The following OGDHL variants were observed in gnomAD, a reference collection of about 807,000 sequenced individuals.
OGDHL encodes the protein oxoglutarate dehydrogenase L.
OGDHL carries 79 observed loss-of-function variants against 109.6 expected under a neutral mutation model. The ratio of observed to expected loss-of-function variants is 0.72; its 90% CI spans 0.60 to 0.87. The LOEUF is 0.87. OGDHL is among the 40% of genes least tolerant of loss of function. The probability of loss-of-function intolerance (pLI) is 0.00; values close to 1 mark genes in which losing one functional copy is unlikely to be tolerated. For synonymous variants in OGDHL, 528 were observed against 537.2 expected (o/e 0.98, Z 0.24); for missense variants, 1,275 against 1,362.2 (o/e 0.94, Z 1.01).
intron 7 of OGDHL, among the ~76,000 whole-genome samples, chr10:49,750,457 G>T (rs749214949): frequency 2.6e-4 from 39 of 152,144 alleles, no homozygotes; most frequent in Non-Finnish European, 2.9e-4. Flanking sequence ...CCCTGTTGGG[G>T]ACACAACCCG....
intron 3 of OGDHL, among the ~76,000 whole-genome samples, chr10:49,754,110 T>A (rs1842774300): frequency 6.6e-6 from 1 of 152,118 alleles, no homozygotes; most frequent in African/African-American, 2.4e-5. Flanking sequence ...TGGCTCTGAT[T>A]CCTGAAAGGG....
In OGDHL at chr10:49,752,887, C is replaced by G. The variant is rs1842700093; in HGVS notation, c.376-147G>C. 3.8e-5 allele frequency: 23 copies of G among 612,370 alleles called. No individual in the cohort carries two copies. In the South Asian group the frequency reaches 4.4e-4, roughly 12 times the overall value. 37.9% of individuals were successfully genotyped at this position (612,370 alleles called of 1,614,324 possible). The stretch of plus-strand genomic sequence containing the variant: ...CTGCCCCGCGGCTACTTCACTGCTG[C>G]CTGCGAGACCCCAGCCACAGCCAGT... On this transcript the variant is annotated intron_variant, in intron 3 of 22. Transcript: ENST00000374103.
intron 1 of OGDHL, 185 bp from the exon 2 acceptor site, chr10:49,758,778 TC>T: frequency 1.6e-6 from 1 of 632,746 alleles, no homozygotes; most frequent in Non-Finnish European, 2.8e-6. Context: ...TGGTGGAAGC[TC>T]CCAGCTCAGT....
intron 17 of OGDHL, chr10:49,738,480 C>A: frequency 1.7e-6 from 1 of 584,378 alleles, no homozygotes; most frequent in South Asian, 2.1e-5. Flanking sequence ...AGTATGTGAA[C>A]TTGCAGGGAC....
At chr10:49,740,139 C>T (rs903258430) in intron 16 of OGDHL, among the ~76,000 whole-genome samples, 10 of 152,140 alleles carry the variant, frequency 6.6e-5, no homozygotes, top group African/African-American at 2.4e-4. Flanking sequence ...ACATGCAGAG[C>T]TGCTAAGGAG....
rs761625131 is a variant in OGDHL, at chr10:49,751,034, A to C, written c.750-49T>G. 5.9e-6 allele frequency: 9 copies of C among 1,519,374 alleles called. No individual in the cohort carries two copies. In the South Asian group the frequency reaches 1.1e-4, roughly 19 times the overall value. 94.1% of individuals were successfully genotyped at this position (1,519,374 alleles called of 1,614,324 possible). On this transcript the variant is annotated intron_variant, in intron 6 of 22. Transcript: ENST00000374103. ...AGGAAAGGGAAAGGGATGGAGAGGG[A>C]GGGGACTGGGGCTCACAGGGGCTGT...
At chr10:49,738,626 A>G (rs1479883959) in intron 17 of OGDHL, 1 of 302,220 alleles carries the variant, frequency 3.3e-6, no homozygotes, top group African/African-American at 2.2e-5. Context: ...GCTAACCCCC[A>G]AAGTAGCCCC....
intron 10 of OGDHL, 105 bp downstream of exon 10, chr10:49,746,645 G>C: frequency 7.0e-7 from 1 of 1,438,274 alleles, no homozygotes; most frequent in Middle Eastern, 1.8e-4. Context: ...AAGCAGCACA[G>C]CAGTGGGCTC....
chr10:49,760,139 AC>A (rs1843181773), intron 1 of OGDHL, among the ~76,000 whole-genome samples: 1 of 152,236 alleles, frequency 6.6e-6, no homozygotes, highest in Non-Finnish European at 1.5e-5. Flanking sequence ...TCCTGGGGCA[AC>A]CAGCAGCAAG....
In OGDHL at chr10:49,750,828, G is replaced by A. The variant is rs757865287; in HGVS notation, c.896+11C>T. On this transcript the variant is annotated intron_variant, in intron 7 of 22. Transcript: ENST00000374103. ...GAGAATGCGCAAGGCACAGCAGGGA[G>A]GGGGACCCACCTGTGTGGCATCCCC... is the stretch of plus-strand genomic sequence containing the variant. The A allele has an allele frequency of 6.2e-7, 1 of 1,604,468 alleles. No individual in the cohort carries two copies. Among genetic ancestry groups the A allele is most frequent in the Non-Finnish European group, 8.5e-7 (1 of 1,174,588 alleles).
chr10:49,756,900 C>A lies in OGDHL; in HGVS notation c.251G>T (p.Gly84Val), dbSNP rs756521146. Residue 84 changes from glycine (G) to valine (V), a missense_variant, in exon 3 of 23, where the codon GGC (glycine) becomes GTC (valine). Coordinates refer to ENST00000374103, the MANE Select transcript of OGDHL (RefSeq NM_018245.3). ...AGAAGGGGGCCGTGGCTGAGCAGAGCCAGAAAAGGCTTCCTCGCTGGCTTC... is the reference window on the plus strand; with the variant it reads ...AGAAGGGGGCCGTGGCTGAGCAGAGACAGAAAAGGCTTCCTCGCTGGCTTC... ...FREASEEAFS[G>V]SAQPRPPSVV... 6.2e-7 allele frequency: 1 copy of A among 1,613,780 alleles called. No homozygotes were observed. The highest frequency in any genetic ancestry group is 1.1e-5 in the South Asian group (1 of 90,970).
chr10:49,752,943 G>A (rs11101226), intron 3 of OGDHL, among the ~76,000 whole-genome samples: 1 of 152,174 alleles, frequency 6.6e-6, no homozygotes, highest in Non-Finnish European at 1.5e-5. Context: ...TGGTTTGGAA[G>A]TACAACATGC....
At chr10:49,740,865 C>G in intron 15 of OGDHL, 28 bp from the exon 16 acceptor site, 1 of 1,612,852 alleles carries the variant, frequency 6.2e-7, no homozygotes. Context: ...GGGGCAGGGA[C>G]AGAGGGCAGG....
chr10:49,749,887 AG>A, intron 7 of OGDHL, 71 bp from the exon 8 acceptor site: 1 of 1,372,500 alleles, frequency 7.3e-7, no homozygotes, highest in Non-Finnish European at 1.0e-6. Flanking sequence ...CCCACTGTGG[AG>A]GCCTGGCCTG....
chr10:49,740,571 A>G, intron 16 of OGDHL, 139 bp downstream of exon 16: 2 of 1,075,082 alleles, frequency 1.9e-6, no homozygotes, highest in African/African-American at 1.6e-5. Flanking sequence ...CAGCCCAATC[A>G]CCATCCCCCA....
chr10:49,760,141 C>G (rs943953953), intron 1 of OGDHL, among the ~76,000 whole-genome samples: 1 of 152,200 alleles, frequency 6.6e-6, no homozygotes. Context: ...CTGGGGCAAC[C>G]AGCAGCAAGC....
Position 49,757,922 on chromosome 10 carries a change from G to C in OGDHL, c.204+467C>G, listed in dbSNP as rs1588808251. On this transcript the variant is annotated intron_variant, in intron 2 of 22. Transcript: ENST00000374103. ...GATTAGGAGGGAGCTTTCTGACTGT[G>C]TAACTTCTTATACCTTCTGGCTTTG... Among the ~76,000 whole-genome samples the C allele has an allele frequency of 2.0e-5, 3 of 152,192 alleles. No individual in the cohort carries two copies. In the East Asian group the frequency reaches 5.8e-4, roughly 29 times the overall value.
Position 49,756,846 on chromosome 10 carries a change from G to C in OGDHL, c.305C>G (p.Ser102Ter). The C allele has an allele frequency of 6.2e-7, 1 of 1,614,126 alleles. No individual in the cohort carries two copies. The highest frequency in any genetic ancestry group is 8.5e-7 in the Non-Finnish European group (1 of 1,179,994). ...CAATTTGCTGGTCTTGGTCCGACTT[G>C]AGACTGCAGACCTGCTCTCATGGAC... ...SVVHESRSAV[S>*]SRTKTSKLVE... Residue 102 changes from serine to a stop codon, truncating the protein, a stop_gained, in exon 3 of 23, where the codon TCA becomes TGA. Coordinates refer to ENST00000374103, the MANE Select transcript of OGDHL (RefSeq NM_018245.3). LOFTEE classifies it high-confidence loss of function.
Position 49,747,214 on chromosome 10 carries a change from GGT to G in OGDHL, c.988-8_988-7del, listed in dbSNP as rs1185142279. The G allele has an allele frequency of 6.8e-6, 11 of 1,613,420 alleles. No individual in the cohort carries two copies. The highest frequency in any genetic ancestry group is 9.3e-6 in the Non-Finnish European group (11 of 1,179,552). On this transcript the variant is annotated splice_polypyrimidine_tract_variant and splice_region_variant and intron_variant, in intron 8 of 22. Transcript: ENST00000374103. ...TACTTGACATCCCCGGAGCCCTGAAGGTGGAGATGGGAACATGATGGATCCTC... is the reference window on the plus strand; with the variant it reads ...TACTTGACATCCCCGGAGCCCTGAAGGGAGATGGGAACATGATGGATCCTC...
Sources: gnomAD v4.1 joint callset for allele counts (sites outside exome capture counted in the v4.1 genomes callset) on GRCh38, gnomAD v4.1.1 for gene constraint, MANE v1.5 for transcripts, NCBI Gene and HGNC (gene_info 2026-07-23, HGNC 2026-07-21) for gene names.